Variants in ATP6V0A2 observed in about 807,000 individuals in gnomAD.
ATP6V0A2 encodes the protein ATPase H+ transporting V0 subunit a2, also known as V-type proton ATPase 116 kDa subunit a 2.
Under a neutral mutation model 104.4 loss-of-function variants are expected in ATP6V0A2, and 58 were observed. The ratio of observed to expected loss-of-function variants is 0.56; its 90% confidence interval spans 0.45 to 0.69. The LOEUF (loss-of-function observed/expected upper bound fraction) is 0.69. Ranked by LOEUF, ATP6V0A2 falls within the 30% of genes least tolerant of loss-of-function variation. The pLI, the probability that ATP6V0A2 is intolerant of heterozygous loss-of-function variation, is 0.00. For missense variants in ATP6V0A2, 938 were observed against 1,062.9 expected (o/e 0.88, Z 1.63); for synonymous variants, 376 against 397.9 (o/e 0.95, Z 0.65).
intron 8 of ATP6V0A2, among the ~76,000 whole-genome samples, chr12:123,736,471 T>C (rs1956555322): frequency 1.3e-5 from 2 of 152,148 alleles, no homozygotes; most frequent in Admixed American, 6.5e-5. Context: ...GGATTACAGG[T>C]GTGAGCTACC....
intron 6 of ATP6V0A2, among the ~76,000 whole-genome samples, chr12:123,729,487 C>T (rs937903283): frequency 9.9e-5 from 15 of 151,948 alleles, no homozygotes; most frequent in African/African-American, 3.4e-4. Flanking sequence ...GCCAGTTACT[C>T]TCCCCCAACC....
At chr12:123,726,399 C>A in intron 5 of ATP6V0A2, 114 bp downstream of exon 5, 1 of 771,168 alleles carries the variant, frequency 1.3e-6, no homozygotes, top group Non-Finnish European at 2.3e-6. Flanking sequence ...TTGAATGAAA[C>A]ATAGTGAATA....
intron 19 of ATP6V0A2, 61 bp from the exon 20 acceptor site, chr12:123,757,866 G>A (rs1289938480): frequency 4.9e-6 from 5 of 1,024,006 alleles, no homozygotes; most frequent in Non-Finnish European, 7.2e-6. Flanking sequence ...ACTTATAAAT[G>A]TTGTTTTAAG....
chr12:123,744,608 G>T lies in ATP6V0A2; in HGVS notation c.1338G>T (p.Met446Ile). Residue 446 changes from methionine (M) to isoleucine (I), a missense_variant, in exon 12 of 20, where the codon ATG (methionine) becomes ATT (isoleucine). Transcript: ENST00000330342. This position sits in a 1 kb window ranked among gnomAD's most constrained non-coding sequence, Gnocchi z 5.4. ...CTTGCCCTTCACAGATCATGAGGAT[G>T]TTTTTTAATGGCCGGTACATCCTCC... ...RLNQSQEIMR[M>I]FFNGRYILLL... is the part of the protein sequence containing the mutation. 6.2e-7 allele frequency: 1 copy of T among 1,613,110 alleles called. No individual in the cohort carries two copies. Among genetic ancestry groups the T allele is most frequent in the Non-Finnish European group, 8.5e-7 (1 of 1,180,036 alleles).
intron 18 of ATP6V0A2, chr12:123,754,856 T>C (rs1436413303): frequency 5.1e-6 from 2 of 391,502 alleles, no homozygotes; most frequent in Admixed American, 7.8e-5. Context: ...TGTAAGCACT[T>C]GCTACTGTTG....
At chr12:123,719,949 C>T (rs1009813210) in intron 2 of ATP6V0A2, among the ~76,000 whole-genome samples, 1 of 152,114 alleles carries the variant, frequency 6.6e-6, no homozygotes, top group Non-Finnish European at 1.5e-5. Context: ...GGGTCTCTCT[C>T]CCCCGTATAA....
At position 123,744,925 on chromosome 12, in the gene ATP6V0A2, A is replaced by G. The variant is rs200768640; in HGVS notation, c.1558A>G (p.Ser520Gly). 1.3e-5 allele frequency: 21 copies of G among 1,614,176 alleles called. No individual in the cohort carries two copies. The highest frequency in any genetic ancestry group is 1.6e-5 in the Non-Finnish European group (19 of 1,180,032). ...CAACAGCATTTTGCAGCTGGATCCA[A>G]GCATTCCTGGAGTGTTCCGAGGCCC... ...RHNSILQLDPSIPGVFRGPYP... is the reference protein window; with the variant it reads ...RHNSILQLDPGIPGVFRGPYP... The change falls in exon 13 of 20, where the codon AGC becomes GGC. Residue 520 changes from serine (S) to glycine (G), a missense_variant. Physicochemically the swap from Ser to Gly is moderately conservative, Grantham distance 56. Transcript: ENST00000330342. The surrounding 1 kb of genome is among the most constrained non-coding windows in gnomAD (Gnocchi z 5.4).
chr12:123,753,685 G>A (rs553589869), intron 17 of ATP6V0A2, among the ~76,000 whole-genome samples: 1 of 152,372 alleles, frequency 6.6e-6, no homozygotes, highest in East Asian at 1.9e-4. Flanking sequence ...GTACGAGGCT[G>A]GACAGGGAAG....
rs57967439 is a variant in ATP6V0A2 at position 123,718,091 on chromosome 12, ATTT to A, written c.118-518_118-516del. On this transcript the variant is annotated intron_variant, in intron 1 of 19. Transcript: ENST00000330342. Reference sequence around the variant, plus strand: ...TTAGGTGCGCCACCATGCCTGGCTAATTTTTTTTTTTTTTTTGAGATAGTGTCT... The same window carrying A: ...TTAGGTGCGCCACCATGCCTGGCTAATTTTTTTTTTTTTGAGATAGTGTCT... Among the ~76,000 whole-genome samples, 373 of 142,942 alleles carry A rather than the reference ATTT, an allele frequency of 2.6e-3. 1 individual carries two copies. The highest frequency in any genetic ancestry group is 5.5e-3 in the African/African-American group (214 of 38,596). 93.8% of individuals were successfully genotyped at this position (142,942 alleles called of 152,430 possible).
chr12:123,744,217 C>T lies in ATP6V0A2; in HGVS notation c.1206C>T (p.Ile402=). The T allele has an allele frequency of 1.9e-6, 3 of 1,614,184 alleles. No homozygotes were observed. Among genetic ancestry groups the T allele is most frequent in the Non-Finnish European group, 2.5e-6 (3 of 1,180,038 alleles). The change falls in exon 11 of 20, where the codon ATC becomes ATT. Residue 402 remains isoleucine, a synonymous_variant. Transcript: ENST00000330342. The surrounding 1 kb of genome is among the most constrained non-coding windows in gnomAD (Gnocchi z 5.4). ...REVNPALFTI[I]TFPFLFAVMF... Reference sequence around the variant, plus strand: ...TTTCTGCAGCTCTCTTTACCATCATCACCTTCCCGTTTTTATTTGCTGTGA... The same window carrying T: ...TTTCTGCAGCTCTCTTTACCATCATTACCTTCCCGTTTTTATTTGCTGTGA...
intron 3 of ATP6V0A2, 136 bp downstream of exon 3, chr12:123,722,584 T>A: frequency 1.5e-6 from 1 of 685,566 alleles, no homozygotes; most frequent in South Asian, 1.6e-5. Context: ...GGCAGAGAGA[T>A]TAAAGACCGC....
intron 18 of ATP6V0A2, chr12:123,756,244 A>G (rs1032044926): frequency 6.6e-6 from 1 of 151,454 alleles, no homozygotes; most frequent in Non-Finnish European, 1.5e-5. Flanking sequence ...TTTGATTGCA[A>G]GGTCTTTACT....
In ATP6V0A2 at chr12:123,758,362, T is replaced by C. The variant is rs1291729015; in HGVS notation, c.*330T>C. On this transcript the variant is annotated 3_prime_UTR_variant, in exon 20 of 20. Transcript: ENST00000330342. ...AGTTGAAAATGGTATTAGATACTTATTTCCTTTAAACTTTATTTAAAACAA... is the reference window on the plus strand; with the variant it reads ...AGTTGAAAATGGTATTAGATACTTACTTCCTTTAAACTTTATTTAAAACAA... 1 of 194,166 alleles carries C rather than the reference T, an allele frequency of 5.2e-6. No homozygotes were observed. Among genetic ancestry groups the C allele is most frequent in the East Asian group, 1.4e-4 (1 of 7,264 alleles). 12.0% of individuals were successfully genotyped at this position (194,166 alleles called of 1,614,324 possible). A position where few individuals can be genotyped will look rare whatever the true frequency, so the allele number is the denominator to read the frequency against.
intron 8 of ATP6V0A2, among the ~76,000 whole-genome samples, chr12:123,736,019 C>G (rs371270121): frequency 6.6e-6 from 1 of 151,024 alleles, no homozygotes; most frequent in South Asian, 2.1e-4. Context: ...ATTACAGTCA[C>G]GCACCACCAT....
chr12:123,725,793 TAAAAAAAAA>T (rs34221363), intron 4 of ATP6V0A2, among the ~76,000 whole-genome samples: 7 of 117,914 alleles, frequency 5.9e-5, no homozygotes, highest in Non-Finnish European at 1.1e-4. Context: ...ACCCTGTATC[TAAAAAAAAA>T]AAAAAAGAAA....
intron 9 of ATP6V0A2, among the ~76,000 whole-genome samples, chr12:123,742,827 C>A (rs1956622437): frequency 6.6e-6 from 1 of 150,902 alleles, no homozygotes. Context: ...CAGAGCGAGA[C>A]TCCTTCTTTA....
intron 1 of ATP6V0A2, 118 bp from the exon 2 acceptor site, chr12:123,718,504 GT>G: frequency 1.4e-6 from 1 of 696,216 alleles, no homozygotes; most frequent in South Asian, 1.8e-5. Context: ...TCAGTTTATA[GT>G]TTCATTCAAT....
At chr12:123,743,588 G>T (rs1956629672) in intron 9 of ATP6V0A2, among the ~76,000 whole-genome samples, 197 bp from the exon 10 acceptor site, 1 of 151,292 alleles carries the variant, frequency 6.6e-6, no homozygotes, top group Non-Finnish European at 1.5e-5. Context: ...GGGAGGCAGA[G>T]GTTGCGGTGA....
In ATP6V0A2 at chr12:123,754,126, G is replaced by A; in HGVS notation, c.2176-294G>A. 7 of 546,728 alleles carry A rather than the reference G, an allele frequency of 1.3e-5. No individual in the cohort carries two copies. In the South Asian group the frequency reaches 1.8e-4, roughly 14 times the overall value. The allele number at this position is 546,728 out of a possible 1,614,324, so 33.9% of individuals were successfully genotyped here. A position where few individuals can be genotyped will look rare whatever the true frequency, so the allele number is the denominator to read the frequency against. On this transcript the variant is annotated intron_variant, in intron 17 of 19. Coordinates refer to ENST00000330342, the MANE Select transcript of ATP6V0A2 (RefSeq NM_012463.4). ...CATTAGTATAGCAGCTGTGGCCACG[G>A]CAGTTCCTCTGGTCTACCTTCTTGG...
Sources: gnomAD v4.1 joint callset for allele counts (sites outside exome capture counted in the v4.1 genomes callset) on GRCh38, gnomAD v4.1.1 for gene constraint, Gnocchi (gnomAD v3.1) non-coding constraint, MANE v1.5 for transcripts, NCBI Gene and HGNC (gene_info 2026-07-23, HGNC 2026-07-21) for gene names.